CDYL2: variants seen among roughly 807,000 people sequenced by gnomAD.
CDYL2 encodes the protein chromodomain Y like 2.
In CDYL2, 23 loss-of-function variants were observed where a neutral mutation model predicts 49.4. That is an observed-to-expected ratio of 0.47 (90% CI 0.34 to 0.66). The LOEUF (loss-of-function observed/expected upper bound fraction) is 0.66. Ranked by LOEUF, CDYL2 falls within the 30% of genes least tolerant of loss-of-function variation. CDYL2 has a pLI of 0.01. For missense variants in CDYL2, 678 were observed against 656.4 expected (o/e 1.03, Z -0.36); for synonymous variants, 360 against 268.8 (o/e 1.34, Z -3.32).
At chr16:80,800,362 C>T (rs1374083180) in intron 1 of CDYL2, among the ~76,000 whole-genome samples, 2 of 152,130 alleles carry the variant, frequency 1.3e-5, no homozygotes, top group Non-Finnish European at 2.9e-5. Flanking sequence ...AAGAGGGAAG[C>T]AAAGCTCAAT....
intron 1 of CDYL2, among the ~76,000 whole-genome samples, chr16:80,713,116 C>T (rs8047401): frequency 0.24 from 36,801 of 152,192 alleles, 5,546 homozygotes; most frequent in Middle Eastern, 0.45. Context: ...CGTTCCTTGA[C>T]GGTATGGCCC....
intron 2 of CDYL2, chr16:80,670,802 C>A: frequency 1.7e-5 from 7 of 406,134 alleles, no homozygotes; most frequent in South Asian, 1.2e-4. Flanking sequence ...TCGAGGCTGG[C>A]GCTCCCAGGA....
At chr16:80,703,657 G>C (rs1285866593) in intron 1 of CDYL2, among the ~76,000 whole-genome samples, 1 of 152,152 alleles carries the variant, frequency 6.6e-6, no homozygotes, top group Non-Finnish European at 1.5e-5. Context: ...TCTGGCTCAA[G>C]GAGAGGGACA....
intron 1 of CDYL2, among the ~76,000 whole-genome samples, chr16:80,793,100 C>T (rs1209593433): frequency 1.3e-5 from 2 of 152,350 alleles, no homozygotes; most frequent in Admixed American, 6.5e-5. Context: ...ACCCTCTGGA[C>T]ACAGTTCTCC....
At chr16:80,759,279 G>A (rs1477519478) in intron 1 of CDYL2, among the ~76,000 whole-genome samples, 2 of 151,146 alleles carry the variant, frequency 1.3e-5, no homozygotes, top group Non-Finnish European at 2.9e-5. Flanking sequence ...GGGTATATTT[G>A]TGCCTTTTGA....
intron 1 of CDYL2, among the ~76,000 whole-genome samples, chr16:80,800,553 C>T (rs1225343384): frequency 6.6e-6 from 1 of 151,902 alleles, no homozygotes; most frequent in Non-Finnish European, 1.5e-5. Context: ...TGGATTCAAC[C>T]AACCACAAAC....
chr16:80,620,843 G>T lies in CDYL2; in HGVS notation c.927C>A (p.Ser309Arg). The T allele has an allele frequency of 6.2e-7, 1 of 1,613,524 alleles. No individual in the cohort carries two copies. The highest frequency in any genetic ancestry group is 8.5e-7 in the Non-Finnish European group (1 of 1,179,574). The change falls in exon 4 of 7, where the codon AGC (serine) becomes AGA (arginine). Residue 309 changes from serine (S) to arginine (R), a missense_variant. Transcript: ENST00000570137. ...CAATTAGGTAGGAATAATCCAGGCC[G>T]CTGCAGAACACGCTCCCCACTGCGC... is the stretch of plus-strand genomic sequence containing the variant. ...LLSAVGSVFC[S>R]GLDYSYLIGR...
intron 1 of CDYL2, among the ~76,000 whole-genome samples, chr16:80,728,971 C>T (rs554051599): frequency 1.3e-5 from 2 of 151,914 alleles, no homozygotes; most frequent in African/African-American, 4.8e-5. Context: ...TGGAAAGGAA[C>T]AACCGGTACC....
In CDYL2 at chr16:80,603,674, A is replaced by G. The variant is rs72824117; in HGVS notation, c.*714T>C. 0.02 allele frequency: 3,025 copies of G among 152,758 alleles called. 37 individuals carry two copies. Among genetic ancestry groups the G allele is most frequent in the Non-Finnish European group, 0.033 (2,232 of 68,030 alleles). 9.5% of individuals were successfully genotyped at this position (152,758 alleles called of 1,614,324 possible). Reference sequence around the variant, plus strand: ...ATATATAAACAAAAATAAATAAATAAAACAAGTCCAAGGAAAGAAAAAACA... The same window carrying G: ...ATATATAAACAAAAATAAATAAATAGAACAAGTCCAAGGAAAGAAAAAACA... On this transcript the variant is annotated 3_prime_UTR_variant, in exon 7 of 7. Transcript: ENST00000570137.
chr16:80,681,755 C>T (rs1909975818), intron 2 of CDYL2, among the ~76,000 whole-genome samples: 2 of 152,212 alleles, frequency 1.3e-5, no homozygotes, highest in Non-Finnish European at 2.9e-5. Flanking sequence ...TTCCATGGAG[C>T]CAGCCTCGGG....
intron 2 of CDYL2, among the ~76,000 whole-genome samples, chr16:80,641,755 G>C: frequency 9.1e-6 from 1 of 109,496 alleles, no homozygotes; most frequent in South Asian, 4.0e-4. Flanking sequence ...TGTGGGGTGG[G>C]GGGAGGGGGG....
At chr16:80,658,342 G>A (rs907441574) in intron 2 of CDYL2, among the ~76,000 whole-genome samples, 6 of 152,044 alleles carry the variant, frequency 3.9e-5, no homozygotes, top group Admixed American at 6.5e-5. Context: ...AAACCTAATC[G>A]TCTTTCAAAG....
intron 1 of CDYL2, among the ~76,000 whole-genome samples, chr16:80,751,551 T>A (rs16953946): frequency 6.6e-6 from 1 of 152,038 alleles, no homozygotes; most frequent in Non-Finnish European, 1.5e-5. Flanking sequence ...AAACAAGACT[T>A]GAGGATGGAA....
At chr16:80,754,099 T>C (rs1020866974) in intron 1 of CDYL2, among the ~76,000 whole-genome samples, 1 of 152,226 alleles carries the variant, frequency 6.6e-6, no homozygotes, top group African/African-American at 2.4e-5. Context: ...GTGTAAATTT[T>C]AATCCCTATT....
At chr16:80,676,937 G>A (rs986053146) in intron 2 of CDYL2, among the ~76,000 whole-genome samples, 58 of 150,232 alleles carry the variant, frequency 3.9e-4, no homozygotes, top group Non-Finnish European at 5.9e-5. Context: ...CTTCTTCTGA[G>A]GACTTTTTAA....
At chr16:80,745,661 A>T (rs895786409) in intron 1 of CDYL2, among the ~76,000 whole-genome samples, 1 of 152,304 alleles carries the variant, frequency 6.6e-6, no homozygotes, top group African/African-American at 2.4e-5. Context: ...CAAAGAGATG[A>T]CAGTGCGCAA....
chr16:80,642,962 T>C (rs1180888597), intron 2 of CDYL2, among the ~76,000 whole-genome samples: 3 of 152,288 alleles, frequency 2.0e-5, no homozygotes, highest in African/African-American at 7.2e-5. Flanking sequence ...TCATGGCTTC[T>C]GAACAGGCCC....
chr16:80,793,321 C>G (rs779998378), intron 1 of CDYL2, among the ~76,000 whole-genome samples: 4 of 152,202 alleles, frequency 2.6e-5, no homozygotes, highest in Non-Finnish European at 4.4e-5. Context: ...CAGTCCTAAC[C>G]TGTGATGAGG....
chr16:80,632,984 C>T lies in CDYL2; in HGVS notation c.834+35G>A, dbSNP rs1907635566. The stretch of plus-strand genomic sequence containing the variant: ...ATTCTGAGTGAGAAGGAGCCACAGC[C>T]CAGCTTGCCCTTCCCTCTGGCCGCC... On this transcript the variant is annotated intron_variant, in intron 3 of 6. Transcript: ENST00000570137. 5 of 1,590,828 alleles carry T rather than the reference C, an allele frequency of 3.1e-6. No individual in the cohort carries two copies. The East Asian group carries it at 1.1e-4, about 36-fold the overall frequency.
Sources: allele counts gnomAD v4.1 joint callset (sites outside exome capture counted in the v4.1 genomes callset), GRCh38; gene constraint gnomAD v4.1.1; transcripts MANE v1.5; gene names NCBI Gene and HGNC (gene_info 2026-07-23, HGNC 2026-07-21).